Variants in TYW1B observed in about 807,000 individuals in gnomAD.
TYW1B encodes the protein S-adenosyl-L-methionine-dependent tRNA 4-demethylwyosine synthase TYW1B.
In TYW1B, 73 loss-of-function variants were observed where a neutral mutation model predicts 86.9. The ratio of observed to expected loss-of-function variants is 0.84; its 90% CI spans 0.70 to 1.02. TYW1B has a LOEUF of 1.02. Ranked by LOEUF, TYW1B falls within the 50% of genes least tolerant of loss-of-function variation. The pLI, the probability that TYW1B is intolerant of heterozygous loss-of-function variation, is 0.00. For missense variants in TYW1B, 637 were observed against 827.4 expected (o/e 0.77, Z 2.82); for synonymous variants, 248 against 292.8 (o/e 0.85, Z 1.56).
chr7:72,696,830 T>C (rs1410214127), intron 10 of TYW1B, among the ~76,000 whole-genome samples: 34 of 152,176 alleles, frequency 2.2e-4, no homozygotes, highest in African/African-American at 8.0e-4. Context: ...CAGGCTCTCA[T>C]TGCTTTAATG....
intron 13 of TYW1B, among the ~76,000 whole-genome samples, chr7:72,598,821 T>C (rs1811593350): frequency 1.3e-5 from 2 of 152,118 alleles, no homozygotes; most frequent in South Asian, 4.1e-4. Flanking sequence ...AAAATTAAAA[T>C]GCAAAAAGAG....
At chr7:72,635,470 C>T (rs1190089767) in intron 11 of TYW1B, among the ~76,000 whole-genome samples, 4 of 152,076 alleles carry the variant, frequency 2.6e-5, no homozygotes, top group Admixed American at 2.0e-4. Flanking sequence ...GGGTAAAGGC[C>T]AGGGCTGCTG....
At chr7:72,591,476 T>C (rs1811394395) in intron 13 of TYW1B, among the ~76,000 whole-genome samples, 1 of 152,184 alleles carries the variant, frequency 6.6e-6, no homozygotes, top group East Asian at 1.9e-4. Flanking sequence ...CAGGGGATAC[T>C]TAATATGGTC....
chr7:72,619,310 T>C (rs1812157437), intron 12 of TYW1B, among the ~76,000 whole-genome samples: 1 of 152,064 alleles, frequency 6.6e-6, no homozygotes, highest in Non-Finnish European at 1.5e-5. Context: ...TAACAGAGCT[T>C]AAGGTGAATA....
intron 13 of TYW1B, among the ~76,000 whole-genome samples, chr7:72,596,214 A>G (rs1554432579): frequency 1.3e-5 from 2 of 150,414 alleles, no homozygotes; most frequent in South Asian, 2.1e-4. Flanking sequence ...AGACATCAAC[A>G]CTACCCAAAG....
chr7:72,753,381 T>C (rs895378103), intron 7 of TYW1B, among the ~76,000 whole-genome samples: 1 of 151,776 alleles, frequency 6.6e-6, no homozygotes, highest in Admixed American at 6.6e-5. Context: ...AGCAGTAGAG[T>C]ATCATTACCA....
intron 6 of TYW1B, among the ~76,000 whole-genome samples, chr7:72,787,825 C>T (rs781876806): frequency 2.0e-5 from 3 of 151,926 alleles, no homozygotes; most frequent in Non-Finnish European, 2.9e-5. Flanking sequence ...AATGTCTGTC[C>T]GGCTTTTCAA....
chr7:72,786,105 TAA>T (rs140958157), intron 6 of TYW1B, among the ~76,000 whole-genome samples: 1 of 149,734 alleles, frequency 6.7e-6, no homozygotes, highest in African/African-American at 2.5e-5. Context: ...CAAGACTGTC[TAA>T]AAAAAAAAGA....
intron 11 of TYW1B, among the ~76,000 whole-genome samples, chr7:72,638,191 C>T (rs1273471547): frequency 1.3e-5 from 2 of 150,648 alleles, no homozygotes; most frequent in Non-Finnish European, 3.0e-5. Flanking sequence ...ACAAATGTCC[C>T]AAACAGTCTA....
At chr7:72,624,491 C>G (rs1554438463) in intron 12 of TYW1B, among the ~76,000 whole-genome samples, 2 of 152,102 alleles carry the variant, frequency 1.3e-5, no homozygotes, top group African/African-American at 4.8e-5. Flanking sequence ...AAATATTATT[C>G]TAGAATTTGT....
At position 72,712,333 on chromosome 7, in the gene TYW1B, C is replaced by A. The variant is rs549174502; in HGVS notation, c.1370+1288G>T. On this transcript the variant is annotated intron_variant, in intron 10 of 13. Coordinates refer to ENST00000620995, the MANE Select transcript of TYW1B (RefSeq NM_001145440.3). ...ATCATACCTAGCAATCCTCCAATAG[C>A]ATCTTTTTTTTTGAGTCAGAGTTTC... Among the ~76,000 whole-genome samples the A allele has an allele frequency of 3.3e-5, 5 of 152,246 alleles. No individual in the cohort carries two copies. In the East Asian group the frequency reaches 9.7e-4, roughly 29 times the overall value.
rs139219525 is a variant in TYW1B, at chr7:72,704,213, C to T, written c.1371-9391G>A. On this transcript the variant is annotated intron_variant, in intron 10 of 13. Transcript: ENST00000620995. ...CTCTGGGAGGCCAAGGCAGGCAAAT[C>T]ACTTGAAGTCAGGCATTTGAGACCA... is the stretch of plus-strand genomic sequence containing the variant. Among the ~76,000 whole-genome samples the T allele has an allele frequency of 6.9e-3, 1,050 of 152,108 alleles. 9 individuals are homozygous for T. The highest frequency in any genetic ancestry group is 0.023 in the African/African-American group (956 of 41,490).
intron 10 of TYW1B, among the ~76,000 whole-genome samples, chr7:72,699,654 C>CCT (rs1340859553): frequency 6.9e-6 from 1 of 145,888 alleles, no homozygotes; most frequent in Non-Finnish European, 1.5e-5. Context: ...TTTTTCTTTT[C>CCT]TTTTTTTTTT....
At chr7:72,772,137 C>T (rs1178612560) in intron 7 of TYW1B, among the ~76,000 whole-genome samples, 1 of 151,598 alleles carries the variant, frequency 6.6e-6, no homozygotes, top group Non-Finnish European at 1.5e-5. Context: ...GCGTGAGCCA[C>T]CACACCCAAT....
At chr7:72,652,088 A>T (rs1428892653) in intron 11 of TYW1B, among the ~76,000 whole-genome samples, 3 of 152,106 alleles carry the variant, frequency 2.0e-5, no homozygotes, top group African/African-American at 7.2e-5. Context: ...CAACTTAAAA[A>T]TGTTTGGGGC....
intron 8 of TYW1B, among the ~76,000 whole-genome samples, chr7:72,734,294 T>C (rs1475411464): frequency 2.3e-5 from 2 of 86,966 alleles, no homozygotes; most frequent in East Asian, 2.6e-4. Flanking sequence ...TATAAACCTA[T>C]TGAAACCAAA....
At chr7:72,688,070 TACA>T (rs1189879356) in intron 11 of TYW1B, among the ~76,000 whole-genome samples, 3 of 152,154 alleles carry the variant, frequency 2.0e-5, no homozygotes, top group Non-Finnish European at 4.4e-5. Context: ...CAAAAATATG[TACA>T]ACATGATTTC....
chr7:72,747,038 T>C (rs782585683), intron 7 of TYW1B, among the ~76,000 whole-genome samples: 2 of 152,208 alleles, frequency 1.3e-5, no homozygotes, highest in Non-Finnish European at 2.9e-5. Flanking sequence ...TTTTTTTCTG[T>C]TGGTTTTGGC....
chr7:72,738,684 A>G lies in TYW1B; in HGVS notation c.1082+5800T>C, dbSNP rs1472641701. ...AATAGCAATTTTGCCCCCAGCTGAG[A>G]ACCACCGATTTAACAGGATGACCTA... is the stretch of plus-strand genomic sequence containing the variant. On this transcript the variant is annotated intron_variant, in intron 8 of 13. Coordinates refer to ENST00000620995, the MANE Select transcript of TYW1B (RefSeq NM_001145440.3). 3.3e-5 allele frequency among the ~76,000 whole-genome samples: 5 copies of G among 152,244 alleles called. No individual in the cohort carries two copies. In the East Asian group the frequency reaches 9.7e-4, roughly 29 times the overall value.
Sources: allele counts gnomAD v4.1 joint callset (sites outside exome capture counted in the v4.1 genomes callset), GRCh38; gene constraint gnomAD v4.1.1; transcripts MANE v1.5; gene names NCBI Gene and HGNC (gene_info 2026-07-23, HGNC 2026-07-21).